EGFLAM: variants seen among roughly 807,000 people sequenced by gnomAD.
EGFLAM encodes the protein EGF like, fibronectin type III and laminin G domains, also known as pikachurin.
EGFLAM carries 79 observed loss-of-function variants against 113.1 expected under a neutral mutation model. The observed-to-expected ratio is 0.70, with a 90% confidence interval of 0.58 to 0.84. The LOEUF is 0.84. Among genes scored for constraint, EGFLAM ranks in the 40% least tolerant of loss-of-function variants. EGFLAM has a pLI of 0.00. For missense variants in EGFLAM, 1,265 were observed against 1,291.6 expected, an observed-to-expected ratio of 0.98 and a Z score of 0.32; for synonymous variants, 504 against 487.6, an observed-to-expected ratio of 1.03 and a Z score of -0.44.
intron 6 of EGFLAM, among the ~76,000 whole-genome samples, chr5:38,397,668 T>G (rs1471514801): frequency 1.3e-5 from 2 of 152,182 alleles, no homozygotes; most frequent in Non-Finnish European, 2.9e-5. Flanking sequence ...ATGCATTAGC[T>G]GCTGCAGCTC....
chr5:38,320,087 GA>G (rs1738700994), intron 1 of EGFLAM, among the ~76,000 whole-genome samples: 1 of 152,230 alleles, frequency 6.6e-6, no homozygotes, highest in South Asian at 2.1e-4. Context: ...GTAAAATTTG[GA>G]AGAACATGCT....
At chr5:38,298,540 T>G (rs1257812479) in intron 1 of EGFLAM, among the ~76,000 whole-genome samples, 1 of 152,170 alleles carries the variant, frequency 6.6e-6, no homozygotes, top group African/African-American at 2.4e-5. Context: ...GTATTAATAC[T>G]CTATTATACA....
intron 1 of EGFLAM, among the ~76,000 whole-genome samples, chr5:38,283,413 C>T (rs1758073102): frequency 6.6e-6 from 1 of 152,004 alleles, no homozygotes; most frequent in African/African-American, 2.4e-5. Context: ...GGGAAGAATC[C>T]ACGTTTACAT....
chr5:38,303,261 G>A lies in EGFLAM; in HGVS notation c.98-34259G>A, dbSNP rs144547919. On this transcript the variant is annotated intron_variant, in intron 1 of 21. Transcript: ENST00000322350. Reference sequence around the variant, plus strand: ...TTAGGGGAGAGGCAGCTGAGCAGTCGCCTGAAGAATGCTAAAATATCACAA... The same window carrying A: ...TTAGGGGAGAGGCAGCTGAGCAGTCACCTGAAGAATGCTAAAATATCACAA... 7.7e-3 allele frequency among the ~76,000 whole-genome samples: 1,167 copies of A among 152,186 alleles called. 6 individuals carry two copies. Among genetic ancestry groups the A allele is most frequent in the Non-Finnish European group, 0.011 (754 of 68,014 alleles).
chr5:38,301,804 G>A (rs532409121), intron 1 of EGFLAM, among the ~76,000 whole-genome samples: 1 of 152,246 alleles, frequency 6.6e-6, no homozygotes, highest in East Asian at 1.9e-4. Flanking sequence ...TTTGGGAAGA[G>A]CTGGTTACCA....
rs1476772030 is a variant in EGFLAM, at chr5:38,465,222, C to T, written c.*1236C>T. 1.3e-5 allele frequency among the ~76,000 whole-genome samples: 2 copies of T among 152,148 alleles called. No individual in the cohort carries two copies. Among genetic ancestry groups the T allele is most frequent in the Non-Finnish European group, 2.9e-5 (2 of 68,040 alleles). ...CCATGAGCTGTGTCCCTTTACTATG[C>T]AAGCACATGACCCCAGAGACAGCTG... On this transcript the variant is annotated 3_prime_UTR_variant, in exon 22 of 22. Coordinates refer to ENST00000322350, the MANE Select transcript of EGFLAM (RefSeq NM_152403.4).
intron 5 of EGFLAM, among the ~76,000 whole-genome samples, chr5:38,356,736 T>C (rs1739771705): frequency 6.6e-6 from 1 of 152,166 alleles, no homozygotes; most frequent in African/African-American, 2.4e-5. Flanking sequence ...GCATTTAATG[T>C]TTGGCTGCAA....
intron 12 of EGFLAM, among the ~76,000 whole-genome samples, chr5:38,422,998 G>A (rs1741884547): frequency 6.6e-6 from 1 of 152,070 alleles, no homozygotes; most frequent in Non-Finnish European, 1.5e-5. Flanking sequence ...GGAAACTCTG[G>A]GAACCTCTCT....
At chr5:38,460,664 A>G (rs964937038) in intron 20 of EGFLAM, among the ~76,000 whole-genome samples, 5 of 152,198 alleles carry the variant, frequency 3.3e-5, no homozygotes, top group Non-Finnish European at 5.9e-5. Flanking sequence ...CAGGAACTAG[A>G]TGAATGGGAG....
intron 5 of EGFLAM, among the ~76,000 whole-genome samples, chr5:38,361,049 A>G (rs1334109385): frequency 6.9e-6 from 1 of 145,088 alleles, no homozygotes; most frequent in Non-Finnish European, 1.5e-5. Flanking sequence ...TATTTTTAGT[A>G]GACACGGGGT....
intron 1 of EGFLAM, among the ~76,000 whole-genome samples, chr5:38,314,156 T>A (rs917778025): frequency 3.3e-5 from 5 of 152,256 alleles, no homozygotes; most frequent in African/African-American, 1.2e-4. Flanking sequence ...GTTAAAGTTA[T>A]GTTGGTGTGT....
At position 38,448,539 on chromosome 5, in the gene EGFLAM, A is replaced by G. The variant is rs79455865; in HGVS notation, c.2543+160A>G. 1.7e-3 allele frequency: 1,172 copies of G among 702,306 alleles called. 9 individuals carry two copies. In the African/African-American group the frequency reaches 0.017, roughly 10 times the overall value. The allele number at this position is 702,306 out of a possible 1,614,324, so 43.5% of individuals were successfully genotyped here. A position where few individuals can be genotyped will look rare whatever the true frequency, so the allele number is the denominator to read the frequency against. On this transcript the variant is annotated intron_variant, in intron 18 of 21. Transcript: ENST00000322350. ...AAAACACACACAACAAGAAATAAAC[A>G]TAGAAACTAGAGCAAAATAAAACAA...
chr5:38,363,860 T>G (rs1330598066), intron 5 of EGFLAM, among the ~76,000 whole-genome samples: 1 of 152,168 alleles, frequency 6.6e-6, no homozygotes, highest in African/African-American at 2.4e-5. Flanking sequence ...AGATAGTAAA[T>G]ATTCTGTGCT....
intron 1 of EGFLAM, among the ~76,000 whole-genome samples, chr5:38,308,625 T>C (rs1758790226): frequency 6.6e-6 from 1 of 152,208 alleles, no homozygotes; most frequent in Non-Finnish European, 1.5e-5. Flanking sequence ...AAGTAAATTA[T>C]GTTAAGAACT....
intron 1 of EGFLAM, among the ~76,000 whole-genome samples, chr5:38,292,904 T>G (rs1260522715): frequency 6.6e-6 from 1 of 152,176 alleles, no homozygotes; most frequent in Non-Finnish European, 1.5e-5. Context: ...CACAAAAAAT[T>G]TCCTGCTCTG....
intron 1 of EGFLAM, among the ~76,000 whole-genome samples, chr5:38,300,725 T>C (rs1758556306): frequency 1.3e-5 from 2 of 152,092 alleles, no homozygotes; most frequent in South Asian, 4.1e-4. Context: ...AGAATAAAAA[T>C]AGAAACAGAG....
At chr5:38,314,011 G>A (rs1454598969) in intron 1 of EGFLAM, among the ~76,000 whole-genome samples, 2 of 152,202 alleles carry the variant, frequency 1.3e-5, no homozygotes, top group African/African-American at 2.4e-5. Context: ...TATAATGTTT[G>A]TTTTGTGTAT....
intron 1 of EGFLAM, among the ~76,000 whole-genome samples, chr5:38,264,563 G>C (rs1027761903): frequency 6.6e-6 from 1 of 152,132 alleles, no homozygotes; most frequent in Non-Finnish European, 1.5e-5. Flanking sequence ...GGGATCAGGG[G>C]TCATCCTGGT....
intron 1 of EGFLAM, among the ~76,000 whole-genome samples, chr5:38,326,232 A>G (rs983451379): frequency 4.6e-5 from 7 of 152,172 alleles, no homozygotes. Flanking sequence ...TGGGGGCCCA[A>G]AGGGACATGA....
Sources: allele counts gnomAD v4.1 joint callset (sites outside exome capture counted in the v4.1 genomes callset), GRCh38; gene constraint gnomAD v4.1.1; transcripts MANE v1.5; gene names NCBI Gene and HGNC (gene_info 2026-07-23, HGNC 2026-07-21).